NDUFS4: variants seen among roughly 807,000 people sequenced by gnomAD.
NDUFS4 encodes the protein NADH dehydrogenase [ubiquinone] iron-sulfur protein 4, mitochondrial.
Under a neutral mutation model 24.3 loss-of-function variants are expected in NDUFS4, and 28 were observed. The observed-to-expected ratio is 1.15, with a 90% CI of 0.85 to 1.58. The LOEUF is 1.58. Among genes scored for constraint, NDUFS4 ranks in the 40% most tolerant of loss-of-function variants. The probability of loss-of-function intolerance (pLI) is 0.00; values close to 1 mark genes in which losing one functional copy is unlikely to be tolerated. For synonymous variants in NDUFS4, 93 were observed against 69.7 expected, an observed-to-expected ratio of 1.34 and a Z score of -1.67; for missense variants, 223 against 207.9, an observed-to-expected ratio of 1.07 and a Z score of -0.45.
intron 4 of NDUFS4, among the ~76,000 whole-genome samples, chr5:53,668,830 A>G (rs1396364328): frequency 6.6e-6 from 1 of 152,110 alleles, no homozygotes; most frequent in Non-Finnish European, 1.5e-5. Flanking sequence ...CACCACAGAA[A>G]GTAACAAACA....
At chr5:53,563,102 G>T (rs10940323) in intron 1 of NDUFS4, among the ~76,000 whole-genome samples, 33,899 of 148,920 alleles carry the variant, frequency 0.23, 2,656 homozygotes, top group African/African-American at 0.41. Context: ...GGCAGCGTGC[G>T]CCTGTAGTCC....
chr5:53,600,001 T>TA (rs1296280802), intron 1 of NDUFS4, among the ~76,000 whole-genome samples: 4 of 151,968 alleles, frequency 2.6e-5, no homozygotes, highest in Non-Finnish European at 5.9e-5. Flanking sequence ...TTTATTTATT[T>TA]TATTATTATT....
chr5:53,616,253 G>T (rs1205541392), intron 2 of NDUFS4, among the ~76,000 whole-genome samples: 1 of 151,212 alleles, frequency 6.6e-6, no homozygotes, highest in African/African-American at 2.4e-5. Context: ...CCCTGGGGAT[G>T]TAGCTATGAA....
intron 1 of NDUFS4, among the ~76,000 whole-genome samples, chr5:53,572,055 T>C (rs1749226248): frequency 6.6e-6 from 1 of 152,172 alleles, no homozygotes; most frequent in Non-Finnish European, 1.5e-5. Flanking sequence ...CATGGGAGCT[T>C]TCATAAGGAG....
intron 1 of NDUFS4, among the ~76,000 whole-genome samples, chr5:53,585,805 T>A (rs1749734489): frequency 6.6e-6 from 1 of 152,168 alleles, no homozygotes. Flanking sequence ...CTGTGTGTAT[T>A]GTAATTTATT....
At chr5:53,660,644 C>A (rs1033344510) in intron 4 of NDUFS4, among the ~76,000 whole-genome samples, 2 of 152,118 alleles carry the variant, frequency 1.3e-5, no homozygotes, top group Non-Finnish European at 2.9e-5. Flanking sequence ...TTTTTCTCCA[C>A]ATCCTCTCCA....
intron 2 of NDUFS4, among the ~76,000 whole-genome samples, chr5:53,641,887 T>A (rs1751714142): frequency 6.6e-6 from 1 of 152,158 alleles, no homozygotes; most frequent in Admixed American, 6.6e-5. Context: ...CAAATTTAGA[T>A]TAGTTTTAGC....
chr5:53,613,602 G>GT (rs141354354), intron 2 of NDUFS4, among the ~76,000 whole-genome samples: 24,665 of 132,740 alleles, frequency 0.19, 2,072 homozygotes, highest in Middle Eastern at 0.22. Context: ...AGCAACTATA[G>GT]TTTTTTTTTT....
chr5:53,576,361 G>C (rs1749388243), intron 1 of NDUFS4, among the ~76,000 whole-genome samples: 1 of 152,184 alleles, frequency 6.6e-6, no homozygotes, highest in South Asian at 2.1e-4. Flanking sequence ...AAAGGGTAAG[G>C]GTGCACCTAG....
At chr5:53,644,153 C>T (rs1393996585) in intron 2 of NDUFS4, among the ~76,000 whole-genome samples, 1 of 152,022 alleles carries the variant, frequency 6.6e-6, no homozygotes, top group African/African-American at 2.4e-5. Context: ...ATCACTTTGG[C>T]ATATATGCAT....
chr5:53,660,364 G>A (rs2112524339), intron 4 of NDUFS4, among the ~76,000 whole-genome samples: 1 of 152,180 alleles, frequency 6.6e-6, no homozygotes, highest in Admixed American at 6.5e-5. Context: ...ATTCCATGGT[G>A]TATATGTGCC....
intron 1 of NDUFS4, among the ~76,000 whole-genome samples, chr5:53,584,561 A>G (rs1749679090): frequency 6.6e-6 from 1 of 150,796 alleles, no homozygotes; most frequent in South Asian, 2.1e-4. Flanking sequence ...GCTGGTCTTG[A>G]ACTCCCGACC....
chr5:53,645,253 A>T, intron 2 of NDUFS4, among the ~76,000 whole-genome samples: 1 of 152,092 alleles, frequency 6.6e-6, no homozygotes, highest in East Asian at 1.9e-4. Flanking sequence ...CAGATAAAGT[A>T]TTTTACCATT....
chr5:53,620,413 A>G (rs945833345), intron 2 of NDUFS4, among the ~76,000 whole-genome samples: 2 of 152,176 alleles, frequency 1.3e-5, no homozygotes, highest in African/African-American at 4.8e-5. Context: ...TAGTATATAT[A>G]TCCTAAGGAT....
Position 53,603,400 on chromosome 5 carries a change from T to C in NDUFS4, c.99-52T>C, listed in dbSNP as rs1411052913. 2.4e-6 allele frequency: 3 copies of C among 1,265,104 alleles called. No homozygotes were observed. In the African/African-American group the frequency reaches 4.4e-5, roughly 19 times the overall value. The allele number at this position is 1,265,104 out of a possible 1,614,324, so 78.4% of individuals were successfully genotyped here. Reference sequence around the variant, plus strand: ...AGCTTGTTTATGTAAGATTTGTCTGTCTCTCCTCTCATTGCCTGGATCCTT... The same window carrying C: ...AGCTTGTTTATGTAAGATTTGTCTGCCTCTCCTCTCATTGCCTGGATCCTT... On this transcript the variant is annotated intron_variant, in intron 1 of 4. Transcript: ENST00000296684.
intron 1 of NDUFS4, among the ~76,000 whole-genome samples, chr5:53,575,334 C>T (rs527576789): frequency 3.3e-5 from 5 of 152,108 alleles, no homozygotes; most frequent in Admixed American, 3.3e-4. Flanking sequence ...CTGCTCCATG[C>T]ATCCTTTCCA....
chr5:53,591,658 G>A (rs1749964446), intron 1 of NDUFS4, among the ~76,000 whole-genome samples: 1 of 152,096 alleles, frequency 6.6e-6, no homozygotes, highest in South Asian at 2.1e-4. Context: ...CTGCCAGACT[G>A]TCTTCCAAAT....
chr5:53,569,926 A>G (rs1162095334), intron 1 of NDUFS4, among the ~76,000 whole-genome samples: 1 of 152,178 alleles, frequency 6.6e-6, no homozygotes, highest in Non-Finnish European at 1.5e-5. Flanking sequence ...TGATAGTTTC[A>G]TGAGCTGAGA....
At chr5:53,585,323 G>A (rs1231858170) in intron 1 of NDUFS4, among the ~76,000 whole-genome samples, 1 of 152,170 alleles carries the variant, frequency 6.6e-6, no homozygotes, top group Non-Finnish European at 1.5e-5. Context: ...GTAGTCTGCA[G>A]TTTTATTGAC....
Sources: allele counts gnomAD v4.1 joint callset (sites outside exome capture counted in the v4.1 genomes callset), GRCh38; gene constraint gnomAD v4.1.1; transcripts MANE v1.5; gene names NCBI Gene and HGNC (gene_info 2026-07-23, HGNC 2026-07-21).